The following PCLAF variants were observed in gnomAD, a reference collection of about 807,000 sequenced individuals.
The protein encoded by PCLAF is PCNA clamp associated factor.
Under a neutral mutation model 15.1 loss-of-function variants are expected in PCLAF, and 12 were observed. That is an observed-to-expected ratio of 0.79 (90% confidence interval 0.51 to 1.29). The LOEUF (loss-of-function observed/expected upper bound fraction) is 1.29, where lower values mean the gene tolerates loss of function less well. Ranked by LOEUF, PCLAF falls within the 50% of genes most tolerant of loss-of-function variation. The pLI is 0.00. For missense variants in PCLAF, 116 were observed against 130.9 expected, an observed-to-expected ratio of 0.89 and a Z score of 0.56; for synonymous variants, 33 against 47.1, an observed-to-expected ratio of 0.70 and a Z score of 1.22.
intron 2 of PCLAF, among the ~76,000 whole-genome samples, chr15:64,377,488 AATATATATATATATATAT>A (rs1166593614): frequency 1.0e-4 from 3 of 29,320 alleles, no homozygotes; most frequent in South Asian, 2.3e-3. Context: ...AAAAAAAAAA[AATATATATATATATATAT>A]ATATATATAT....
At chr15:64,370,691 G>GCTT (rs1251862458) in intron 3 of PCLAF, among the ~76,000 whole-genome samples, 2 of 151,884 alleles carry the variant, frequency 1.3e-5, no homozygotes, top group African/African-American at 4.8e-5. Context: ...TTCTAAAAAG[G>GCTT]CTTCTATACA....
At chr15:64,375,250 G>A (rs541587914) in intron 3 of PCLAF, among the ~76,000 whole-genome samples, 2 of 151,670 alleles carry the variant, frequency 1.3e-5, no homozygotes, top group African/African-American at 2.4e-5. Context: ...TCAGCCTCCC[G>A]AGTAGCTGAG....
In PCLAF at chr15:64,365,733, C is replaced by T. The variant is rs1776858763; in HGVS notation, c.*297G>A. 1 of 330,146 alleles carries T rather than the reference C, an allele frequency of 3.0e-6. No individual in the cohort carries two copies. Among genetic ancestry groups the T allele is most frequent in the Non-Finnish European group, 5.5e-6 (1 of 181,396 alleles). 20.5% of individuals were successfully genotyped at this position (330,146 alleles called of 1,614,324 possible). A position where few individuals can be genotyped will look rare whatever the true frequency, so the allele number is the denominator to read the frequency against. ...CAACAATCTAAGCAAATCTCAAATA[C>T]AACATACTTGTAATTAGAACACAAT... On this transcript the variant is annotated 3_prime_UTR_variant, in exon 4 of 4. Coordinates refer to ENST00000300035, the MANE Select transcript of PCLAF (RefSeq NM_014736.6).
chr15:64,386,692 G>A (rs548773888), intron 1 of PCLAF, among the ~76,000 whole-genome samples: 14 of 151,532 alleles, frequency 9.2e-5, no homozygotes, highest in Admixed American at 8.6e-4. Flanking sequence ...CTCCCGCCTC[G>A]GCCTCCCAAA....
At chr15:64,372,890 C>T (rs1169919648) in intron 3 of PCLAF, among the ~76,000 whole-genome samples, 1 of 152,076 alleles carries the variant, frequency 6.6e-6, no homozygotes, top group Non-Finnish European at 1.5e-5. Context: ...TCGCTTGAAC[C>T]CAGGAGGCGA....
intron 2 of PCLAF, among the ~76,000 whole-genome samples, chr15:64,378,489 C>A (rs1480466840): frequency 6.6e-6 from 1 of 152,106 alleles, no homozygotes; most frequent in African/African-American, 2.4e-5. Flanking sequence ...CCAGGCTGGT[C>A]TCAAACTCCT....
chr15:64,370,788 T>C (rs1403559772), intron 3 of PCLAF, among the ~76,000 whole-genome samples: 1 of 151,178 alleles, frequency 6.6e-6, no homozygotes, highest in Non-Finnish European at 1.5e-5. Context: ...TGACTAATTA[T>C]AGAAAGTGTC....
rs532596325 is a variant in PCLAF, at chr15:64,364,710, A to G, written c.*1320T>C. On this transcript the variant is annotated 3_prime_UTR_variant, in exon 4 of 4. Transcript: ENST00000300035. ...TTCTTTCTTTTTTTTTTTTTAAGAC[A>G]TTGTCTCACTCTGTTGTTCAGGCTG... 4.8e-5 allele frequency: 7 copies of G among 144,814 alleles called. No homozygotes were observed. The South Asian group carries it at 1.5e-3, about 31-fold the overall frequency. 9.0% of individuals were successfully genotyped at this position (144,814 alleles called of 1,614,324 possible).
In PCLAF at chr15:64,364,682, C is replaced by A. The variant is rs1308709481; in HGVS notation, c.*1348G>T. On this transcript the variant is annotated 3_prime_UTR_variant, in exon 4 of 4. Coordinates refer to ENST00000300035, the MANE Select transcript of PCLAF (RefSeq NM_014736.6). Reference sequence around the variant, plus strand: ...TTCATATATAAATATATATTTTTTTCTTTTCTTTCTTTTTTTTTTTTTAAG... The same window carrying A: ...TTCATATATAAATATATATTTTTTTATTTTCTTTCTTTTTTTTTTTTTAAG... The A allele has an allele frequency of 6.8e-6, 1 of 148,100 alleles. No individual in the cohort carries two copies. Among genetic ancestry groups the A allele is most frequent in the Non-Finnish European group, 1.5e-5 (1 of 66,936 alleles). The allele number at this position is 148,100 out of a possible 1,614,324, so 9.2% of individuals were successfully genotyped here. A position where few individuals can be genotyped will look rare whatever the true frequency, so the allele number is the denominator to read the frequency against.
intron 2 of PCLAF, 120 bp from the exon 3 acceptor site, chr15:64,377,025 G>GTTGT: frequency 1.4e-6 from 1 of 728,498 alleles, no homozygotes; most frequent in Non-Finnish European, 2.2e-6. Flanking sequence ...CTTTATTTAA[G>GTTGT]ATATACAACT....
At chr15:64,387,245 G>C (rs1382345460) in intron 1 of PCLAF, among the ~76,000 whole-genome samples, 2 of 152,084 alleles carry the variant, frequency 1.3e-5, no homozygotes, top group African/African-American at 2.4e-5. Flanking sequence ...AGCCGGGCGT[G>C]GTGGCGGGTG....
chr15:64,371,062 G>A (rs1403335479), intron 3 of PCLAF, among the ~76,000 whole-genome samples: 1 of 147,780 alleles, frequency 6.8e-6, no homozygotes, highest in East Asian at 2.0e-4. Flanking sequence ...TCCGCCTCCT[G>A]AGTTCACGCT....
chr15:64,384,470 CAGTGGCTCATGCTTATA>C (rs1253120947), upstream of PCLAF, among the ~76,000 whole-genome samples: 1 of 151,530 alleles, frequency 6.6e-6, no homozygotes, highest in Non-Finnish European at 1.5e-5. Flanking sequence ...TTGGCCGGCG[CAGTGGCTCATGCTTATA>C]ATCCCAGCAA....
At chr15:64,383,513 C>G (rs1398292194), upstream of PCLAF, among the ~76,000 whole-genome samples, 1 of 151,902 alleles carries the variant, frequency 6.6e-6, no homozygotes, top group Non-Finnish European at 1.5e-5. Flanking sequence ...ATTACAGACA[C>G]GTGCCAAAAC....
At position 64,380,975 on chromosome 15, in the gene PCLAF, G is replaced by T; in HGVS notation, c.110C>A (p.Ser37Ter). The part of the protein sequence containing the change: ...GSSTSATNST[S>*]VSSRKAENKY... ...CTTCTTACCTTTCCTCGATGAAACT[G>T]ATGTCGAATTAGTGGCAGAGGTGGA... Residue 37 changes from serine (S) to a stop codon, truncating the protein, a stop_gained, in exon 2 of 4, where the codon TCA becomes TAA. Transcript: ENST00000300035. LOFTEE classifies it high-confidence loss of function. 6.2e-7 allele frequency: 1 copy of T among 1,614,062 alleles called. No homozygotes were observed. The highest frequency in any genetic ancestry group is 8.5e-7 in the Non-Finnish European group (1 of 1,179,964).
intron 2 of PCLAF, among the ~76,000 whole-genome samples, chr15:64,378,004 C>T (rs1443517063): frequency 2.0e-5 from 3 of 149,492 alleles, no homozygotes; most frequent in African/African-American, 4.9e-5. Context: ...GATCTTGGCT[C>T]ACTGCAAGCT....
chr15:64,381,080 G>A (rs781442087), intron 1 of PCLAF, 42 bp from the exon 2 acceptor site: 3 of 1,584,584 alleles, frequency 1.9e-6, no homozygotes, highest in Middle Eastern at 1.7e-4. Context: ...AGGGGCAGGA[G>A]GGTTCCGACA....
intron 3 of PCLAF, among the ~76,000 whole-genome samples, chr15:64,368,978 C>T (rs759246523): frequency 3.9e-5 from 6 of 151,900 alleles, no homozygotes; most frequent in East Asian, 1.9e-4. Context: ...GAAAAAAGAA[C>T]GAGGAAGAAA....
chr15:64,387,391 AAATAAATT>A, intron 1 of PCLAF: 3 of 1,007,800 alleles, frequency 3.0e-6, no homozygotes, highest in South Asian at 3.9e-5. Context: ...CAAAATAAAT[AAATAAATT>A]AATTAATTAA....
Sources: gnomAD v4.1 joint callset for allele counts (sites outside exome capture counted in the v4.1 genomes callset) on GRCh38, gnomAD v4.1.1 for gene constraint, MANE v1.5 for transcripts, NCBI Gene and HGNC (gene_info 2026-07-23, HGNC 2026-07-21) for gene names.